The following BRINP1 variants were observed in gnomAD, a reference collection of about 807,000 sequenced individuals.
The protein encoded by BRINP1 is BMP/retinoic acid inducible neural specific 1.
A neutral mutation model predicts 72.9 loss-of-function variants in BRINP1; 17 were observed. The ratio of observed to expected loss-of-function variants is 0.23; its 90% confidence interval spans 0.16 to 0.35. BRINP1 has a LOEUF of 0.35. BRINP1 is among the 10% of genes least tolerant of loss of function. BRINP1 has a pLI of 1.00. For missense variants in BRINP1, 850 were observed against 1,001.6 expected (o/e 0.85, Z 2.04); for synonymous variants, 418 against 378.5 (o/e 1.10, Z -1.21).
intron 1 of BRINP1, among the ~76,000 whole-genome samples, chr9:119,360,040 T>A (rs909369728): frequency 3.3e-5 from 5 of 152,166 alleles, no homozygotes; most frequent in Admixed American, 6.5e-5. Context: ...GACTTGGTAA[T>A]ATTTTCAGGA....
chr9:119,361,234 C>T (rs1205289783), intron 1 of BRINP1, among the ~76,000 whole-genome samples: 5 of 152,108 alleles, frequency 3.3e-5, no homozygotes, highest in South Asian at 4.1e-4. Context: ...CAAAGATCCC[C>T]TTCACCCTCA....
chr9:119,334,787 G>T (rs530915534), intron 1 of BRINP1, among the ~76,000 whole-genome samples: 1 of 151,660 alleles, frequency 6.6e-6, no homozygotes, highest in Non-Finnish European at 1.5e-5. Context: ...GGGGGTGGGG[G>T]AGGGGAATAG....
intron 2 of BRINP1, among the ~76,000 whole-genome samples, chr9:119,305,136 T>C (rs1414460682): frequency 6.6e-6 from 1 of 152,228 alleles, no homozygotes; most frequent in Non-Finnish European, 1.5e-5. Flanking sequence ...TATATTTGAA[T>C]GGAATAGAAT....
At chr9:119,216,699 A>G (rs180996108) in intron 5 of BRINP1, among the ~76,000 whole-genome samples, 2 of 152,220 alleles carry the variant, frequency 1.3e-5, no homozygotes, top group East Asian at 1.9e-4. Context: ...TCTCAGTTCT[A>G]TTTTTCTAGC....
At chr9:119,304,759 C>A (rs1250313329) in intron 2 of BRINP1, among the ~76,000 whole-genome samples, 1 of 152,214 alleles carries the variant, frequency 6.6e-6, no homozygotes, top group African/African-American at 2.4e-5. Flanking sequence ...GTTGGTGGCA[C>A]TGATTGGTAT....
At position 119,198,472 on chromosome 9, in the gene BRINP1, C is replaced by G. The variant is rs1829769020; in HGVS notation, c.1145+10247G>C. ...GTAAATGACAGTCACACACTTTGGT[C>G]TGTCAGACTAGAGAGTCTGAAGTCC... On this transcript the variant is annotated intron_variant, in intron 7 of 7. Transcript: ENST00000265922. Among the ~76,000 whole-genome samples, 3 of 152,128 alleles carry G rather than the reference C, an allele frequency of 2.0e-5. No individual in the cohort carries two copies. In the South Asian group the frequency reaches 6.2e-4, roughly 32 times the overall value.
intron 5 of BRINP1, among the ~76,000 whole-genome samples, chr9:119,237,430 T>C (rs1010412290): frequency 6.6e-6 from 1 of 151,488 alleles, no homozygotes; most frequent in Non-Finnish European, 1.5e-5. Context: ...GTGCATGATC[T>C]TGGCTCACTG....
chr9:119,243,513 T>C (rs1830280771), intron 3 of BRINP1, among the ~76,000 whole-genome samples: 1 of 152,212 alleles, frequency 6.6e-6, no homozygotes, highest in African/African-American at 2.4e-5. Flanking sequence ...GCAATGAACA[T>C]ATGTGTGCAT....
intron 2 of BRINP1, among the ~76,000 whole-genome samples, chr9:119,262,915 T>C (rs1480032510): frequency 2.0e-5 from 3 of 152,218 alleles, no homozygotes. Context: ...TTTGTCTCTA[T>C]GTTAGGTGCT....
intron 2 of BRINP1, among the ~76,000 whole-genome samples, chr9:119,258,706 T>C (rs1160788884): frequency 1.3e-5 from 2 of 152,210 alleles, no homozygotes; most frequent in African/African-American, 4.8e-5. Flanking sequence ...TTCCGTGTTC[T>C]CTACTCTGAC....
At chr9:119,242,441 A>G (rs961960339) in intron 3 of BRINP1, among the ~76,000 whole-genome samples, 1 of 152,226 alleles carries the variant, frequency 6.6e-6, no homozygotes, top group Admixed American at 6.5e-5. Flanking sequence ...CCAACAATAA[A>G]GTCCAGCCCC....
At chr9:119,365,847 C>G (rs1310508103) in intron 1 of BRINP1, among the ~76,000 whole-genome samples, 1 of 152,046 alleles carries the variant, frequency 6.6e-6, no homozygotes, top group Non-Finnish European at 1.5e-5. Flanking sequence ...ACAGCTCCCC[C>G]TTCTGGGAGC....
chr9:119,350,624 A>G (rs1280122023), intron 1 of BRINP1, among the ~76,000 whole-genome samples: 1 of 152,158 alleles, frequency 6.6e-6, no homozygotes, highest in Non-Finnish European at 1.5e-5. Context: ...ACATTAAAAA[A>G]AAAGATTGCA....
chr9:119,172,763 C>T (rs1444448423), intron 7 of BRINP1, among the ~76,000 whole-genome samples: 4 of 152,042 alleles, frequency 2.6e-5, no homozygotes, highest in Non-Finnish European at 5.9e-5. Context: ...TCCAGCAACA[C>T]ATCAAAAAGC....
intron 2 of BRINP1, among the ~76,000 whole-genome samples, chr9:119,299,600 G>A (rs942528203): frequency 1.1e-4 from 16 of 147,090 alleles, no homozygotes; most frequent in Non-Finnish European, 1.8e-4. Context: ...GTGACACGGC[G>A]AGACTCCGTC....
At chr9:119,261,853 C>A (rs1830499555) in intron 2 of BRINP1, among the ~76,000 whole-genome samples, 1 of 150,306 alleles carries the variant, frequency 6.7e-6, no homozygotes, top group Admixed American at 6.7e-5. Flanking sequence ...CCTCTCTTCT[C>A]TTTTCCTCGC....
intron 2 of BRINP1, among the ~76,000 whole-genome samples, chr9:119,253,062 G>C (rs1830409410): frequency 6.6e-6 from 1 of 152,160 alleles, no homozygotes; most frequent in African/African-American, 2.4e-5. Flanking sequence ...GGAGAACTCA[G>C]TAACTGGGGA....
intron 7 of BRINP1, among the ~76,000 whole-genome samples, chr9:119,193,255 C>T (rs1001129273): frequency 1.3e-5 from 2 of 151,852 alleles, no homozygotes; most frequent in Admixed American, 1.3e-4. Context: ...AGTGTGATAT[C>T]CTACTGTTTG....
chr9:119,318,678 T>C (rs1831150804), intron 1 of BRINP1, among the ~76,000 whole-genome samples: 1 of 152,002 alleles, frequency 6.6e-6, no homozygotes, highest in African/African-American at 2.4e-5. Context: ...GAAGTCACAG[T>C]GTGTCACCCA....
Sources: allele counts gnomAD v4.1 joint callset (sites outside exome capture counted in the v4.1 genomes callset), GRCh38; gene constraint gnomAD v4.1.1; transcripts MANE v1.5; gene names NCBI Gene and HGNC (gene_info 2026-07-23, HGNC 2026-07-21).